The following PTPRT variants were observed in gnomAD, a reference collection of about 807,000 sequenced individuals.
The protein encoded by PTPRT is protein tyrosine phosphatase receptor type T.
PTPRT carries 56 observed loss-of-function variants against 176.8 expected under a neutral mutation model. The ratio of observed to expected loss-of-function variants is 0.32; its 90% confidence interval spans 0.26 to 0.40. The LOEUF is 0.40. PTPRT is among the 10% of genes least tolerant of loss of function. PTPRT has a pLI of 1.00. For synonymous variants in PTPRT, 783 were observed against 739.0 expected (o/e 1.06, Z -0.96); for missense variants, 1,540 against 1,908.2 (o/e 0.81, Z 3.60).
At chr20:42,861,719 A>T (rs1400280195) in intron 2 of PTPRT, among the ~76,000 whole-genome samples, 1 of 152,176 alleles carries the variant, frequency 6.6e-6, no homozygotes, top group Non-Finnish European at 1.5e-5. Context: ...AAAAACAGGG[A>T]GTACATATTC....
intron 1 of PTPRT, among the ~76,000 whole-genome samples, chr20:43,185,261 G>T (rs1235966061): frequency 2.0e-5 from 3 of 152,150 alleles, no homozygotes; most frequent in South Asian, 2.1e-4. Flanking sequence ...GAATGCCATG[G>T]CCCTTGTTTG....
chr20:42,982,850 C>T (rs1319343809), intron 1 of PTPRT, among the ~76,000 whole-genome samples: 1 of 152,202 alleles, frequency 6.6e-6, no homozygotes, highest in African/African-American at 2.4e-5. Context: ...TGACTGCAGG[C>T]ACAATTCCTC....
chr20:42,323,494 GCAAACTATCGCAAGGACAAAAAAC>G, intron 11 of PTPRT, among the ~76,000 whole-genome samples: 1 of 151,982 alleles, frequency 6.6e-6, no homozygotes, highest in Non-Finnish European at 1.5e-5. Context: ...ATCATTCTCA[GCAAACTATCGCAAGGACAAAAAAC>G]CAAACACCGC....
intron 7 of PTPRT, among the ~76,000 whole-genome samples, chr20:42,630,115 A>T (rs1393674298): frequency 6.6e-6 from 1 of 152,120 alleles, no homozygotes; most frequent in Non-Finnish European, 1.5e-5. Flanking sequence ...TGTAAATGAA[A>T]GTGGGAGGTA....
chr20:42,755,646 C>T (rs1196022281), intron 6 of PTPRT, among the ~76,000 whole-genome samples: 1 of 151,998 alleles, frequency 6.6e-6, no homozygotes, highest in African/African-American at 2.4e-5. Flanking sequence ...CTTGGCCTCC[C>T]AACTCTACCC....
chr20:42,958,803 C>T (rs982283958), intron 1 of PTPRT, among the ~76,000 whole-genome samples: 2 of 152,140 alleles, frequency 1.3e-5, no homozygotes, highest in African/African-American at 4.8e-5. Context: ...CTTCACCCCT[C>T]GGCTGTTAAC....
intron 7 of PTPRT, among the ~76,000 whole-genome samples, chr20:42,598,047 T>G (rs1228327471): frequency 6.6e-6 from 1 of 152,142 alleles, no homozygotes; most frequent in Non-Finnish European, 1.5e-5. Flanking sequence ...AAATCATGAA[T>G]ATATATACTA....
intron 1 of PTPRT, among the ~76,000 whole-genome samples, chr20:42,897,211 G>A (rs1272927012): frequency 1.3e-5 from 2 of 152,136 alleles, no homozygotes; most frequent in Non-Finnish European, 1.5e-5. Flanking sequence ...AAGTTTTAAA[G>A]CTCTTTGAGC....
intron 16 of PTPRT, among the ~76,000 whole-genome samples, chr20:42,176,376 C>T (rs952612716): frequency 1.3e-5 from 2 of 152,136 alleles, no homozygotes; most frequent in Admixed American, 1.3e-4. Flanking sequence ...CATATCTTCT[C>T]CTGATGGGCT....
intron 6 of PTPRT, among the ~76,000 whole-genome samples, chr20:42,717,268 CAATT>C (rs1370296140): frequency 6.9e-6 from 1 of 145,872 alleles, no homozygotes; most frequent in East Asian, 2.1e-4. Flanking sequence ...AAAGCTATAA[CAATT>C]AAGACAACAA....
intron 26 of PTPRT, 109 bp downstream of exon 26, chr20:42,102,013 AGG>A: frequency 1.5e-6 from 2 of 1,295,830 alleles, no homozygotes; most frequent in Non-Finnish European, 1.1e-6. Flanking sequence ...GATCAGAAGC[AGG>A]GGGGGCTGGC....
chr20:42,139,957 C>T (rs1013598450), intron 18 of PTPRT, among the ~76,000 whole-genome samples: 1 of 152,238 alleles, frequency 6.6e-6, no homozygotes, highest in African/African-American at 2.4e-5. Context: ...CAACACTTCA[C>T]TTGCAAGAAA....
chr20:42,253,065 A>C (rs1222106174), intron 13 of PTPRT, among the ~76,000 whole-genome samples: 1 of 152,192 alleles, frequency 6.6e-6, no homozygotes, highest in Non-Finnish European at 1.5e-5. Flanking sequence ...AAGGTGATAC[A>C]GGGATAGAGG....
At chr20:42,176,618 G>T (rs1164691782) in intron 16 of PTPRT, among the ~76,000 whole-genome samples, 1 of 152,172 alleles carries the variant, frequency 6.6e-6, no homozygotes, top group Non-Finnish European at 1.5e-5. Context: ...ACTAAGTAAT[G>T]CCTCACACTG....
intron 1 of PTPRT, among the ~76,000 whole-genome samples, chr20:43,037,955 A>G (rs1400528213): frequency 6.6e-6 from 1 of 152,166 alleles, no homozygotes; most frequent in African/African-American, 2.4e-5. Context: ...CCATTCTCAC[A>G]TGAACCCTTG....
In PTPRT at chr20:42,797,011, G is replaced by T. The variant is rs187987673; in HGVS notation, c.215-5545C>A. ...TTTATAAAGTGCGTAGATAAGTATC[G>T]CTGCATGTAGGTCCTCAAAAACAGC... On this transcript the variant is annotated intron_variant, in intron 2 of 30. Transcript: ENST00000373187. Among the ~76,000 whole-genome samples the T allele has an allele frequency of 8.9e-4, 136 of 152,258 alleles. 2 individuals are homozygous for T. The highest frequency in any genetic ancestry group is 2.9e-3 in the African/African-American group (121 of 41,548).
At chr20:42,726,098 A>ATTATT (rs762451632) in intron 6 of PTPRT, among the ~76,000 whole-genome samples, 3 of 132,050 alleles carry the variant, frequency 2.3e-5, no homozygotes, top group African/African-American at 5.7e-5. Flanking sequence ...TTATTATTAT[A>ATTATT]GACTGAGTTT....
Position 42,111,091 on chromosome 20 carries a change from C to T in PTPRT, c.3100-604G>A, listed in dbSNP as rs1986966073. 2.0e-5 allele frequency among the ~76,000 whole-genome samples: 3 copies of T among 152,166 alleles called. No individual in the cohort carries two copies. The South Asian group carries it at 6.2e-4, about 32-fold the overall frequency. The stretch of plus-strand genomic sequence containing the variant: ...TGATCTGATGGAGACAGAGTGGGGC[C>T]TAGAGCTCTGAGCGGTTCCCCTCCC... On this transcript the variant is annotated intron_variant, in intron 22 of 30. Transcript: ENST00000373187.
At chr20:42,849,228 G>A (rs1273967196) in intron 2 of PTPRT, among the ~76,000 whole-genome samples, 1 of 152,142 alleles carries the variant, frequency 6.6e-6, no homozygotes, top group Non-Finnish European at 1.5e-5. Context: ...TGACAGCCAA[G>A]GGGTAAGTGG....
Sources: gnomAD v4.1 joint callset for allele counts (sites outside exome capture counted in the v4.1 genomes callset) on GRCh38, gnomAD v4.1.1 for gene constraint, MANE v1.5 for transcripts, NCBI Gene and HGNC (gene_info 2026-07-23, HGNC 2026-07-21) for gene names.